RHPN1: variants seen among roughly 807,000 people sequenced by gnomAD.
RHPN1 encodes the protein rhophilin-1.
A neutral mutation model predicts 74.7 loss-of-function variants in RHPN1; 77 were observed. The observed-to-expected ratio is 1.03, with a 90% CI of 0.86 to 1.25. The LOEUF (loss-of-function observed/expected upper bound fraction) is 1.25. RHPN1 is among the 50% of genes most tolerant of loss of function. RHPN1 has a pLI of 0.00. For missense variants in RHPN1, 987 were observed against 932.2 expected (o/e 1.06, Z -0.77); for synonymous variants, 444 against 414.5 (o/e 1.07, Z -0.87).
At chr8:143,371,324 G>A (rs1405806910) in intron 1 of RHPN1, among the ~76,000 whole-genome samples, 1 of 152,140 alleles carries the variant, frequency 6.6e-6, no homozygotes, top group Non-Finnish European at 1.5e-5. Context: ...TTGCATTCAG[G>A]TGAGACTTCA....
At position 143,382,670 on chromosome 8, in the gene RHPN1, G is replaced by C. The variant is rs370176230; in HGVS notation, c.*19G>C. The C allele has an allele frequency of 6.3e-6, 10 of 1,590,472 alleles. No individual in the cohort carries two copies. In the Admixed American group the frequency reaches 1.5e-4, roughly 24 times the overall value. The stretch of plus-strand genomic sequence containing the variant: ...GCCGTGAGGGCCAGGATCCCTGCAC[G>C]CCTCAGCCCTGGCTCCAGCTGGCAG... On this transcript the variant is annotated 3_prime_UTR_variant, in exon 15 of 15. Transcript: ENST00000289013.
rs1818859988 is a variant in RHPN1, at chr8:143,383,257, C to G, written c.*606C>G. 6.8e-6 allele frequency: 1 copy of G among 146,822 alleles called. No individual in the cohort carries two copies. The highest frequency in any genetic ancestry group is 1.5e-5 in the Non-Finnish European group (1 of 68,684). 9.1% of individuals were successfully genotyped at this position (146,822 alleles called of 1,614,324 possible). On this transcript the variant is annotated 3_prime_UTR_variant, in exon 15 of 15. Coordinates refer to ENST00000289013, the MANE Select transcript of RHPN1 (RefSeq NM_052924.3). ...CTGTGCTGGTCAACCCAGCAAGTGT[C>G]CCGTTTGCCCAGGAGTCCCTGGTGT... is the stretch of plus-strand genomic sequence containing the variant.
chr8:143,377,907 G>A (rs1183726453), intron 4 of RHPN1, among the ~76,000 whole-genome samples: 3 of 152,230 alleles, frequency 2.0e-5, no homozygotes, highest in African/African-American at 7.2e-5. Flanking sequence ...TGTGTTCCGT[G>A]TCCGAGTCAC....
chr8:143,367,101 G>A (rs1427052769), upstream of RHPN1: 2 of 152,166 alleles, frequency 1.3e-5, no homozygotes, highest in Admixed American at 1.3e-4. Flanking sequence ...GATTCAGGCA[G>A]AAGTGAGAAG....
chr8:143,377,174 C>G (rs879055932), intron 3 of RHPN1, among the ~76,000 whole-genome samples: 8 of 152,038 alleles, frequency 5.3e-5, no homozygotes, highest in Admixed American at 3.3e-4. Context: ...GTGTGTGTCT[C>G]TGTGTGTGTG....
In RHPN1 at chr8:143,379,069, A is replaced by C; in HGVS notation, c.742A>C (p.Arg248=). 6.6e-7 allele frequency: 1 copy of C among 1,521,746 alleles called. No individual in the cohort carries two copies. The highest frequency in any genetic ancestry group is 8.8e-7 in the Non-Finnish European group (1 of 1,134,740). 94.3% of individuals were successfully genotyped at this position (1,521,746 alleles called of 1,614,324 possible). Residue 248 remains arginine (R), a synonymous_variant, in exon 7 of 15, where the codon AGG becomes CGG. Coordinates refer to ENST00000289013, the MANE Select transcript of RHPN1 (RefSeq NM_052924.3). The part of the protein sequence containing the change: ...GARRAMEAFQ[R]AAGAFSLLRE... ...CCGCCGCGCTATGGAGGCCTTCCAG[A>C]GGGCCGCTGGTGAGGGCGGCCCGGG...
At chr8:143,371,935 G>A (rs1180346226) in intron 1 of RHPN1, among the ~76,000 whole-genome samples, 11 of 152,318 alleles carry the variant, frequency 7.2e-5, no homozygotes, top group South Asian at 2.1e-4. Flanking sequence ...GGCATGGGCC[G>A]CCCACCTCCA....
In RHPN1 at chr8:143,379,966, G is replaced by A; in HGVS notation, c.1083G>A (p.Met361Ile). ...CCCTGGCCCACTACCACGTAGCCAT[G>A]GCCCTCTGCGACGGCTCCCGTGAGT... ...FRSLAHYHVA[M>I]ALCDGSPATE... The change falls in exon 9 of 15, where the codon ATG becomes ATA. Residue 361 changes from methionine to isoleucine, a missense_variant. Physicochemically the swap from Met to Ile is conservative, Grantham distance 10. Transcript: ENST00000289013. 1 of 1,569,050 alleles carries A rather than the reference G, an allele frequency of 6.4e-7. No individual in the cohort carries two copies. The highest frequency in any genetic ancestry group is 8.6e-7 in the Non-Finnish European group (1 of 1,158,392).
chr8:143,382,829 C>T lies in RHPN1; in HGVS notation c.*178C>T, dbSNP rs1372380072. On this transcript the variant is annotated 3_prime_UTR_variant, in exon 15 of 15. Coordinates refer to ENST00000289013, the MANE Select transcript of RHPN1 (RefSeq NM_052924.3). ...ACCTGTCTGAGCCCAGTGATGGGAG[C>T]TGTGGCCTCTTCACCCACACACAGA... 3.5e-5 allele frequency: 21 copies of T among 604,000 alleles called. No homozygotes were observed. Among genetic ancestry groups the T allele is most frequent in the Non-Finnish European group, 5.9e-5 (20 of 341,844 alleles). The allele number at this position is 604,000 out of a possible 1,614,324, so 37.4% of individuals were successfully genotyped here.
Position 143,378,291 on chromosome 8 carries a change from G to A in RHPN1, c.404G>A (p.Gly135Glu), listed in dbSNP as rs200040540. The part of the protein sequence containing the change: ...PLKELISVHF[G>E]EDGASYEAEI... ...CAGGAGCTGATCTCAGTGCACTTTGGAGAGGACGGCGCCTCCTACGAGGCA... is the reference window on the plus strand; with the variant it reads ...CAGGAGCTGATCTCAGTGCACTTTGAAGAGGACGGCGCCTCCTACGAGGCA... The change falls in exon 5 of 15, where the codon GGA becomes GAA. Residue 135 changes from glycine to glutamate, a missense_variant. By Grantham distance (98) the Gly-to-Glu change is moderately conservative (BLOSUM62 -2). Coordinates refer to ENST00000289013, the MANE Select transcript of RHPN1 (RefSeq NM_052924.3). 6.2e-5 allele frequency: 98 copies of A among 1,576,080 alleles called. No homozygotes were observed. The highest frequency in any genetic ancestry group is 5.8e-4 in the African/African-American group (43 of 74,004).
intron 1 of RHPN1, chr8:143,374,139 C>T: frequency 1.0e-6 from 1 of 985,416 alleles, no homozygotes; most frequent in Non-Finnish European, 1.2e-6. Context: ...CTCCAGATAT[C>T]TAGGAGAAAA....
chr8:143,378,392 C>G, intron 5 of RHPN1, 46 bp downstream of exon 5: 1 of 1,362,522 alleles, frequency 7.3e-7, no homozygotes, highest in Admixed American at 2.2e-5. Context: ...CCCTGGGAGA[C>G]ACATGCGGAG....
intron 11 of RHPN1, 46 bp downstream of exon 11, chr8:143,380,829 T>G (rs1459680181): frequency 7.0e-7 from 1 of 1,437,676 alleles, no homozygotes; most frequent in Non-Finnish European, 9.3e-7. Context: ...CTGGCCAGGG[T>G]GGGGGCCTTC....
chr8:143,376,381 C>T (rs1416894087), intron 2 of RHPN1, 144 bp from the exon 3 acceptor site: 5 of 1,204,040 alleles, frequency 4.2e-6, no homozygotes, highest in East Asian at 2.6e-5. Flanking sequence ...CTGCCCCACC[C>T]ATGGGGGGCA....
Position 143,381,556 on chromosome 8 carries a change from T to C in RHPN1, c.1489-16T>C, listed in dbSNP as rs757592470. On this transcript the variant is annotated splice_polypyrimidine_tract_variant and intron_variant, in intron 12 of 14. Transcript: ENST00000289013. ...GTGTGGCCCAGCTGGGCCTCTGACC[T>C]CTGAGCCCCTGCCAGGGGCCCCTGT... 1 of 1,602,266 alleles carries C rather than the reference T, an allele frequency of 6.2e-7. No individual in the cohort carries two copies. The highest frequency in any genetic ancestry group is 1.1e-5 in the South Asian group (1 of 90,408).
upstream of RHPN1, among the ~76,000 whole-genome samples, chr8:143,366,414 ACT>A (rs35198976): frequency 3.9e-5 from 6 of 152,070 alleles, no homozygotes; most frequent in African/African-American, 7.2e-5. Context: ...CAAAAAGGAA[ACT>A]CTAAATTTTT....
At position 143,368,907 on chromosome 8, in the gene RHPN1, C is replaced by T; in HGVS notation, c.-81C>T. 1 of 1,098,646 alleles carries T rather than the reference C, an allele frequency of 9.1e-7. No individual in the cohort carries two copies. The highest frequency in any genetic ancestry group is 1.2e-6 in the Non-Finnish European group (1 of 843,238). The allele number at this position is 1,098,646 out of a possible 1,614,324, so 68.1% of individuals were successfully genotyped here. A position where few individuals can be genotyped will look rare whatever the true frequency, so the allele number is the denominator to read the frequency against. ...GAGCCCGCGGCCCAGGTGGTGCGGG[C>T]GGCCCTAGCCCGGCTGCGGAGCGCT... On this transcript the variant is annotated 5_prime_UTR_variant, in exon 1 of 15. Coordinates refer to ENST00000289013, the MANE Select transcript of RHPN1 (RefSeq NM_052924.3).
chr8:143,364,604 T>A (rs1817538726), upstream of RHPN1, among the ~76,000 whole-genome samples: 1 of 151,912 alleles, frequency 6.6e-6, no homozygotes, highest in Admixed American at 6.6e-5. The surrounding 1 kb of genome is among the most constrained non-coding windows in gnomAD (Gnocchi z 4.5). Flanking sequence ...TTTTTTTTTT[T>A]AACAACTCTT....
chr8:143,368,853 G>A (rs1325346993), upstream of RHPN1: 7 of 497,370 alleles, frequency 1.4e-5, no homozygotes, highest in Admixed American at 9.3e-5. Context: ...ACTCAGGAGG[G>A]ACAGTCGGGG....
Sources: gnomAD v4.1 joint callset for allele counts (sites outside exome capture counted in the v4.1 genomes callset) on GRCh38, gnomAD v4.1.1 for gene constraint, Gnocchi (gnomAD v3.1) non-coding constraint, MANE v1.5 for transcripts, NCBI Gene and HGNC (gene_info 2026-07-23, HGNC 2026-07-21) for gene names.